Variants in PISD observed in about 807,000 individuals in gnomAD.
The protein encoded by PISD is phosphatidylserine decarboxylase proenzyme, mitochondrial.
PISD carries 31 observed loss-of-function variants against 43.5 expected under a neutral mutation model. The observed-to-expected ratio is 0.71, with a 90% CI of 0.54 to 0.96. PISD has a LOEUF of 0.96. PISD is among the 40% of genes least tolerant of loss of function. The pLI, the probability that PISD is intolerant of heterozygous loss-of-function variation, is 0.00. For synonymous variants in PISD, 259 were observed against 228.7 expected (o/e 1.13, Z -1.20); for missense variants, 523 against 548.4 (o/e 0.95, Z 0.46).
Position 31,621,047 on chromosome 22 carries a change from A to G in PISD, c.793T>C (p.Cys265Arg). 1 of 1,613,970 alleles carries G rather than the reference A, an allele frequency of 6.2e-7. No homozygotes were observed. The highest frequency in any genetic ancestry group is 8.5e-7 in the Non-Finnish European group (1 of 1,179,886). ...GTCCAGTCGGTGGGGGAGTGGAAGC[A>G]GTGGTAGTCCCCAGGGGCCAGGTAG... is the stretch of plus-strand genomic sequence containing the variant. ...VIYLAPGDYH[C>R]FHSPTDWTVS... is the part of the protein sequence containing the mutation. The change falls in exon 6 of 8, where the codon TGC becomes CGC. Residue 265 changes from cysteine (C) to arginine (R), a missense_variant. Cys to Arg is a radical substitution (Grantham distance 180, BLOSUM62 -3). Transcript: ENST00000439502.
chr22:31,648,055 A>C, intron 3 of PISD, 46 bp downstream of exon 3: 2 of 1,523,942 alleles, frequency 1.3e-6, no homozygotes, highest in Non-Finnish European at 1.8e-6. Flanking sequence ...AGTGACAGAC[A>C]AAGTTTGCTG....
intron 3 of PISD, among the ~76,000 whole-genome samples, chr22:31,625,157 T>C (rs944962829): frequency 6.6e-6 from 1 of 152,208 alleles, no homozygotes; most frequent in East Asian, 1.9e-4. Flanking sequence ...TCTCAGCTGA[T>C]AGCAGCAGAG....
In PISD at chr22:31,630,858, G is replaced by A. The variant is rs533471977; in HGVS notation, c.322-8973C>T. The A allele has an allele frequency of 3.0e-6, 3 of 985,300 alleles. No homozygotes were observed. Among genetic ancestry groups the A allele is most frequent in the East Asian group, 1.1e-4 (1 of 8,814 alleles). The allele number at this position is 985,300 out of a possible 1,614,324, so 61.0% of individuals were successfully genotyped here. On this transcript the variant is annotated intron_variant, in intron 3 of 7. Coordinates refer to ENST00000439502, the MANE Select transcript of PISD (RefSeq NM_001326411.2). This position sits in a 1 kb window ranked among gnomAD's most constrained non-coding sequence, Gnocchi z 4.4. ...ACTCCCTAGGGGCGCTCCCGGAGCC[G>A]GGAAGCCTTGGGGCGAGTGGGCGGG...
intron 3 of PISD, chr22:31,626,232 G>A (rs759858551): frequency 7.1e-5 from 14 of 197,154 alleles, no homozygotes; most frequent in South Asian, 4.2e-4. Flanking sequence ...AGGGCTGCCC[G>A]GTCCAGTAAG....
At chr22:31,661,956 C>A (rs1286171813) in intron 1 of PISD, among the ~76,000 whole-genome samples, 188 bp downstream of exon 1, 1 of 152,180 alleles carries the variant, frequency 6.6e-6, no homozygotes, top group East Asian at 1.9e-4. Flanking sequence ...CTAGGCCACA[C>A]CCTAAGTAAA....
chr22:31,662,030 T>A, intron 1 of PISD, 114 bp downstream of exon 1: 1 of 931,628 alleles, frequency 1.1e-6, no homozygotes, highest in Non-Finnish European at 1.7e-6. Context: ...GGTGGCTCCG[T>A]CTCCACCCGA....
At position 31,637,839 on chromosome 22, in the gene PISD, C is replaced by T. The variant is rs193208233; in HGVS notation, c.321+10262G>A. The stretch of plus-strand genomic sequence containing the variant: ...TGAATCAGTGAAGAGGAAAGCTCTT[C>T]ACTCCCTAATGTCACGTCCTACACA... On this transcript the variant is annotated intron_variant, in intron 3 of 7. Transcript: ENST00000439502. Among the ~76,000 whole-genome samples the T allele has an allele frequency of 4.0e-3, 603 of 152,362 alleles. 6 individuals are homozygous for T. Among genetic ancestry groups the T allele is most frequent in the Non-Finnish European group, 6.8e-3 (460 of 68,030 alleles).
intron 1 of PISD, among the ~76,000 whole-genome samples, chr22:31,656,600 G>A (rs1228879425): frequency 6.7e-6 from 1 of 149,974 alleles, no homozygotes; most frequent in African/African-American, 2.5e-5. Flanking sequence ...AGGGAGCCGA[G>A]ATCGCACACT....
At chr22:31,650,661 C>A in intron 2 of PISD, 38 bp downstream of exon 2, 1 of 1,209,466 alleles carries the variant, frequency 8.3e-7, no homozygotes, top group South Asian at 1.3e-5. Context: ...CAAACTGAGG[C>A]AGAGAGAGGG....
chr22:31,647,589 C>T (rs1375120547), intron 3 of PISD, among the ~76,000 whole-genome samples: 1 of 152,184 alleles, frequency 6.6e-6, no homozygotes, highest in Non-Finnish European at 1.5e-5. Flanking sequence ...AGGAATCATC[C>T]TGGGACATGG....
intron 3 of PISD, 51 bp downstream of exon 3, chr22:31,648,050 C>T: frequency 6.7e-7 from 1 of 1,484,244 alleles, no homozygotes; most frequent in East Asian, 2.3e-5. Flanking sequence ...GGAAAAGTGA[C>T]AGACAAAGTT....
chr22:31,661,444 T>A (rs951534450), intron 1 of PISD, among the ~76,000 whole-genome samples: 1 of 152,184 alleles, frequency 6.6e-6, no homozygotes, highest in Non-Finnish European at 1.5e-5. Flanking sequence ...ATTTTCTGTA[T>A]AACCACTGCC....
intron 3 of PISD, chr22:31,625,919 C>A: frequency 6.5e-7 from 1 of 1,529,844 alleles, no homozygotes; most frequent in Non-Finnish European, 8.8e-7. Context: ...GCTGTCACTG[C>A]TCCAGGGCCT....
upstream of PISD, chr22:31,662,353 C>A: frequency 3.9e-6 from 3 of 770,638 alleles, no homozygotes; most frequent in East Asian, 2.6e-5. Context: ...TGGCTACTCC[C>A]CACCTAACCC....
chr22:31,619,540 G>A lies in PISD; in HGVS notation c.*72C>T. ...AGGCCCTTACCTGGATGGCCTCATG[G>A]GCCTCCCTCTTGAAAAGACCCTCAC... is the stretch of plus-strand genomic sequence containing the variant. On this transcript the variant is annotated 3_prime_UTR_variant, in exon 8 of 8. Coordinates refer to ENST00000439502, the MANE Select transcript of PISD (RefSeq NM_001326411.2). The A allele has an allele frequency of 7.7e-7, 1 of 1,299,182 alleles. No homozygotes were observed. The highest frequency in any genetic ancestry group is 1.8e-4 in the Middle Eastern group (1 of 5,478). 80.5% of individuals were successfully genotyped at this position (1,299,182 alleles called of 1,614,324 possible). A position where few individuals can be genotyped will look rare whatever the true frequency, so the allele number is the denominator to read the frequency against.
chr22:31,656,970 TA>T (rs1159075764), intron 1 of PISD, among the ~76,000 whole-genome samples: 2 of 152,036 alleles, frequency 1.3e-5, no homozygotes, highest in Non-Finnish European at 2.9e-5. Context: ...TCTTAATTTT[TA>T]AAAAAAATTT....
rs753576057 is a variant in PISD, at chr22:31,648,240, A to G, written c.182T>C (p.Met61Thr). ...AATGGGCAGGGGACGCAGCAGGAAC[A>G]TGGTTCGGGCAGGGGCAGTGTGGAT... ...RKIHTAPART[M>T]FLLRPLPILL... Residue 61 changes from methionine to threonine, a missense_variant, in exon 3 of 8, where the codon ATG (methionine) becomes ACG (threonine). Transcript: ENST00000439502. 1.2e-6 allele frequency: 2 copies of G among 1,611,538 alleles called. No individual in the cohort carries two copies. Among genetic ancestry groups the G allele is most frequent in the South Asian group, 2.2e-5 (2 of 90,736 alleles).
In PISD at chr22:31,620,987, C is replaced by CG. The variant is rs1464549755; in HGVS notation, c.844+8dup. 1 of 1,607,844 alleles carries CG rather than the reference C, an allele frequency of 6.2e-7. No homozygotes were observed. The highest frequency in any genetic ancestry group is 2.2e-5 in the East Asian group (1 of 44,806). On this transcript the variant is annotated intron_variant, in intron 6 of 7. Transcript: ENST00000439502. ...GAGGCAGCTCCCCCCACGCTGGCCC[C>CG]GGGCTGACCTGGGAAGTGGCGCCGG...
chr22:31,655,904 T>C (rs2074157666), intron 1 of PISD, among the ~76,000 whole-genome samples: 1 of 152,100 alleles, frequency 6.6e-6, no homozygotes, highest in Admixed American at 6.6e-5. Flanking sequence ...CCGAAAGTGT[T>C]GGGATTACAG....
Sources: allele counts gnomAD v4.1 joint callset (sites outside exome capture counted in the v4.1 genomes callset), GRCh38; gene constraint gnomAD v4.1.1; non-coding constraint Gnocchi (gnomAD v3.1); transcripts MANE v1.5; gene names NCBI Gene and HGNC (gene_info 2026-07-23, HGNC 2026-07-21).